AZU1: variants seen among roughly 807,000 people sequenced by gnomAD.
The protein encoded by AZU1 is azurocidin.
AZU1 carries 21 observed loss-of-function variants against 17.8 expected under a neutral mutation model. That is an observed-to-expected ratio of 1.18 (90% confidence interval 0.84 to 1.70). AZU1 has a LOEUF of 1.70. AZU1 is among the 40% of genes most tolerant of loss of function. The pLI, the probability that AZU1 is intolerant of heterozygous loss-of-function variation, is 0.00. For missense variants in AZU1, 379 were observed against 362.9 expected (o/e 1.04, Z -0.36); for synonymous variants, 178 against 155.2 (o/e 1.15, Z -1.09).
intron 2 of AZU1, 69 bp downstream of exon 2, chr19:828,455 A>T: frequency 1.6e-6 from 2 of 1,237,246 alleles, no homozygotes; most frequent in East Asian, 3.2e-5. Flanking sequence ...GGGCTTAGGC[A>T]TTCAGTGGGG....
chr19:830,832 G>A lies in AZU1; in HGVS notation c.485G>A (p.Arg162His), dbSNP rs149180756. Residue 162 changes from arginine to histidine, a missense_variant, in exon 4 of 5, where the codon CGT becomes CAT. Physicochemically the swap from Arg to His is conservative, Grantham distance 29. Coordinates refer to ENST00000233997, the MANE Select transcript of AZU1 (RefSeq NM_001700.5). Reference sequence around the variant, plus strand: ...TGGGGGAGCCAGCGCAGTGGGGGGCGTCTCTCCCGTTTTCCCAGGTTTGTC... The same window carrying A: ...TGGGGGAGCCAGCGCAGTGGGGGGCATCTCTCCCGTTTTCCCAGGTTTGTC... The part of the protein sequence containing the change: ...AGWGSQRSGG[R>H]LSRFPRFVNV... The A allele has an allele frequency of 2.6e-5, 41 of 1,607,824 alleles. No homozygotes were observed. Among genetic ancestry groups the A allele is most frequent in the African/African-American group, 2.1e-4 (16 of 74,928 alleles).
Position 829,670 on chromosome 19 carries a change from C to T in AZU1, c.324C>T (p.Asp108=). The T allele has an allele frequency of 1.2e-6, 2 of 1,613,392 alleles. No individual in the cohort carries two copies. The highest frequency in any genetic ancestry group is 2.2e-5 in the South Asian group (2 of 91,076). Residue 108 remains aspartate (D), a synonymous_variant, in exon 3 of 5, where the codon GAC becomes GAT. Transcript: ENST00000233997. Reference sequence around the variant, plus strand: ...GCAGCATGAGCGAGAATGGCTACGACCCCCAGCAGAACCTGAACGACCTGA... The same window carrying T: ...GCAGCATGAGCGAGAATGGCTACGATCCCCAGCAGAACCTGAACGACCTGA... ...SISSMSENGY[D]PQQNLNDLML...
At chr19:827,941 G>T (rs750078815) in intron 1 of AZU1, 37 bp downstream of exon 1, 3 of 1,535,354 alleles carry the variant, frequency 2.0e-6, no homozygotes, top group Non-Finnish European at 2.6e-6. Flanking sequence ...CCCCATCTGT[G>T]CTAGGGCCCG....
intron 2 of AZU1, among the ~76,000 whole-genome samples, 194 bp downstream of exon 2, chr19:828,580 G>A (rs1005681899): frequency 6.6e-6 from 1 of 151,434 alleles, no homozygotes; most frequent in Non-Finnish European, 1.5e-5. Flanking sequence ...ATATTGGGGG[G>A]CTCAGATGGA....
At chr19:830,184 C>T (rs563843300) in intron 3 of AZU1, among the ~76,000 whole-genome samples, 26 of 152,034 alleles carry the variant, frequency 1.7e-4, no homozygotes, top group African/African-American at 4.8e-4. Context: ...CGCTTGAACC[C>T]GGGAGGCGGA....
chr19:829,824 C>G (rs6510980), intron 3 of AZU1, 118 bp downstream of exon 3: 1 of 1,370,480 alleles, frequency 7.3e-7, no homozygotes, highest in Non-Finnish European at 9.8e-7. Context: ...AGTGGTGGCG[C>G]GCACCTGTGG....
chr19:829,351 A>G (rs1352835659), intron 2 of AZU1, among the ~76,000 whole-genome samples: 2 of 139,026 alleles, frequency 1.4e-5, no homozygotes, highest in Non-Finnish European at 3.1e-5. Context: ...AGGGGCTCAG[A>G]TGGAGGAGGA....
intron 4 of AZU1, chr19:831,490 G>C (rs751082417): frequency 5.5e-6 from 3 of 547,644 alleles, no homozygotes; most frequent in Non-Finnish European, 9.6e-6. Flanking sequence ...TGATTGCCAG[G>C]GGAGGGGCAC....
chr19:829,922 C>G (rs908143791), intron 3 of AZU1, among the ~76,000 whole-genome samples: 16 of 145,810 alleles, frequency 1.1e-4, no homozygotes, highest in Non-Finnish European at 2.3e-4. Context: ...AACTCAGTCT[C>G]TACAAAAATA....
At chr19:828,686 T>C (rs1341081719) in intron 2 of AZU1, among the ~76,000 whole-genome samples, 3 of 46,556 alleles carry the variant, frequency 6.4e-5, no homozygotes, top group Non-Finnish European at 1.3e-4. Flanking sequence ...GGGGGTCAGA[T>C]GGGGGAGGCC....
intron 1 of AZU1, 43 bp downstream of exon 1, chr19:827,947 G>C: frequency 2.0e-6 from 3 of 1,535,050 alleles, no homozygotes; most frequent in African/African-American, 1.4e-5. Context: ...CTGTGCTAGG[G>C]CCCGGCTGCC....
In AZU1 at chr19:829,580, C is replaced by A. The variant is rs750313471; in HGVS notation, c.234C>A (p.Thr78=). The change falls in exon 3 of 5, where the codon ACC becomes ACA. Residue 78 remains threonine, a synonymous_variant. Transcript: ENST00000233997. ...CFQSQNPGVS[T]VVLGAYDLRR... ...CTCTCAGGAACCCCGGGGTTAGCACCGTGGTGCTGGGTGCCTATGACCTGA... is the reference window on the plus strand; with the variant it reads ...CTCTCAGGAACCCCGGGGTTAGCACAGTGGTGCTGGGTGCCTATGACCTGA... The A allele has an allele frequency of 4.3e-6, 7 of 1,613,020 alleles. No individual in the cohort carries two copies. Among genetic ancestry groups the A allele is most frequent in the Non-Finnish European group, 5.1e-6 (6 of 1,179,944 alleles).
rs1487143042 is a variant in AZU1, at chr19:828,244, T to C, written c.73T>C (p.Leu25=). 2 of 1,606,524 alleles carry C rather than the reference T, an allele frequency of 1.2e-6. No homozygotes were observed. Among genetic ancestry groups the C allele is most frequent in the Admixed American group, 1.7e-5 (1 of 58,426 alleles). Residue 25 remains leucine (L), a synonymous_variant, in exon 2 of 5, where the codon TTG becomes CTG. Coordinates refer to ENST00000233997, the MANE Select transcript of AZU1 (RefSeq NM_001700.5). ...ASSRAGSSPL[L]DIVGGRKARP... Reference sequence around the variant, plus strand: ...CCCCGACCCAGGCTCCAGCCCCCTTTTGGACATCGTTGGCGGCCGGAAGGC... The same window carrying C: ...CCCCGACCCAGGCTCCAGCCCCCTTCTGGACATCGTTGGCGGCCGGAAGGC...
intron 2 of AZU1, among the ~76,000 whole-genome samples, chr19:829,000 G>A (rs111445721): frequency 7.2e-3 from 158 of 22,072 alleles, no homozygotes; most frequent in Admixed American, 0.011. Context: ...GGAGGCCCAG[G>A]GAAGGGAAGG....
chr19:830,632 C>G, intron 3 of AZU1, 76 bp from the exon 4 acceptor site: 3 of 1,247,712 alleles, frequency 2.4e-6, no homozygotes, highest in Non-Finnish European at 3.3e-6. Context: ...ATGTCGCTGA[C>G]ACTTCTGCTC....
chr19:829,936 A>ATATGTGTGTGTGTGTGTGTGTGTGTGTG (rs368933425), intron 3 of AZU1, among the ~76,000 whole-genome samples: 4 of 137,862 alleles, frequency 2.9e-5, no homozygotes, highest in African/African-American at 1.1e-4. Flanking sequence ...AAAAATATAT[A>ATATGTGTGTGTGTGTGTGTGTGTGTGTG]TGTGTGTGTG....
rs923035922 is a variant in AZU1 at position 832,004 on chromosome 19, C to T, written c.*127C>T. The T allele has an allele frequency of 4.8e-5, 57 of 1,195,990 alleles. No individual in the cohort carries two copies. The highest frequency in any genetic ancestry group is 2.3e-4 in the African/African-American group (15 of 64,544). The allele number at this position is 1,195,990 out of a possible 1,614,324, so 74.1% of individuals were successfully genotyped here. A position where few individuals can be genotyped will look rare whatever the true frequency, so the allele number is the denominator to read the frequency against. ...GGGGCCCTGGCTGTAATAAAGAAGC[C>T]GATCTCTCCTCTGCTCCTGGTTTCT... On this transcript the variant is annotated 3_prime_UTR_variant, in exon 5 of 5. Coordinates refer to ENST00000233997, the MANE Select transcript of AZU1 (RefSeq NM_001700.5).
intron 4 of AZU1, chr19:831,423 T>G (rs2035286263): frequency 2.3e-6 from 1 of 439,974 alleles, no homozygotes; most frequent in South Asian, 4.1e-5. Flanking sequence ...ACGTCTGTGC[T>G]GGGGGTTGGG....
rs1307816112 is a variant in AZU1 at position 828,384 on chromosome 19, C to G, written c.213C>G (p.Ser71Arg). ...FVMTAASCFQSQNPGVSTVVL... is the reference protein window; with the variant it reads ...FVMTAASCFQRQNPGVSTVVL... Reference sequence around the variant, plus strand: ...TGACCGCGGCCAGCTGCTTCCAAAGCCAGTGAGGGGTCCTGGGGAGGGGGC... The same window carrying G: ...TGACCGCGGCCAGCTGCTTCCAAAGGCAGTGAGGGGTCCTGGGGAGGGGGC... The change falls in exon 2 of 5, where the codon AGC (serine) becomes AGG (arginine). Residue 71 changes from serine to arginine, a missense_variant and splice_region_variant. Ser to Arg is a moderately radical substitution (Grantham distance 110). Transcript: ENST00000233997. The G allele has an allele frequency of 6.3e-7, 1 of 1,583,814 alleles. No individual in the cohort carries two copies. Among genetic ancestry groups the G allele is most frequent in the Non-Finnish European group, 8.6e-7 (1 of 1,163,748 alleles).
Sources: gnomAD v4.1 joint callset for allele counts (sites outside exome capture counted in the v4.1 genomes callset) on GRCh38, gnomAD v4.1.1 for gene constraint, MANE v1.5 for transcripts, NCBI Gene and HGNC (gene_info 2026-07-23, HGNC 2026-07-21) for gene names.